Variants in NDUFS4 observed in about 807,000 individuals in gnomAD.
The protein encoded by NDUFS4 is NADH dehydrogenase [ubiquinone] iron-sulfur protein 4, mitochondrial.
A neutral mutation model predicts 24.3 loss-of-function variants in NDUFS4; 28 were observed. The observed-to-expected ratio is 1.15, with a 90% CI of 0.85 to 1.58. The LOEUF (loss-of-function observed/expected upper bound fraction) is 1.58. Among genes scored for constraint, NDUFS4 ranks in the 40% most tolerant of loss-of-function variants. The pLI, the probability that NDUFS4 is intolerant of heterozygous loss-of-function variation, is 0.00. For synonymous variants in NDUFS4, 93 were observed against 69.7 expected, an observed-to-expected ratio of 1.34 and a Z score of -1.67; for missense variants, 223 against 207.9, an observed-to-expected ratio of 1.07 and a Z score of -0.45.
intron 2 of NDUFS4, among the ~76,000 whole-genome samples, chr5:53,630,543 C>G (rs1230765815): frequency 6.6e-6 from 1 of 152,138 alleles, no homozygotes; most frequent in Non-Finnish European, 1.5e-5. Flanking sequence ...GGTCTTTTCA[C>G]ATAATCGTAT....
Position 53,646,242 on chromosome 5 carries a change from A to C in NDUFS4, c.187A>C (p.Thr63Pro), listed in dbSNP as rs140575484. 1.2e-6 allele frequency: 2 copies of C among 1,609,418 alleles called. No individual in the cohort carries two copies. Among genetic ancestry groups the C allele is most frequent in the African/African-American group, 2.7e-5 (2 of 74,742 alleles). ...ITVDEKLDIT[T>P]LTGVPEEHIK... ...TCTTGTTTTTCTGTAGGATATCACT[A>C]CTTTAACTGGAGTTCCAGAAGAGCA... The change falls in exon 3 of 5, where the codon ACT (threonine) becomes CCT (proline). Residue 63 changes from threonine (T) to proline (P), a missense_variant. Thr to Pro is a conservative substitution (Grantham distance 38). Transcript: ENST00000296684.
intron 2 of NDUFS4, among the ~76,000 whole-genome samples, chr5:53,642,591 C>T (rs758367896): frequency 6.6e-5 from 10 of 151,892 alleles, no homozygotes; most frequent in Non-Finnish European, 1.3e-4. Context: ...ATTGCTTGTT[C>T]CCTGCTTCCT....
chr5:53,564,956 G>C (rs1748971913), intron 1 of NDUFS4, among the ~76,000 whole-genome samples: 1 of 152,202 alleles, frequency 6.6e-6, no homozygotes, highest in Non-Finnish European at 1.5e-5. Context: ...TGTAAGTATT[G>C]TGATAGATTG....
chr5:53,599,307 A>G (rs968569739), intron 1 of NDUFS4, among the ~76,000 whole-genome samples: 1 of 152,156 alleles, frequency 6.6e-6, no homozygotes, highest in African/African-American at 2.4e-5. Context: ...TTGTTGGATC[A>G]TAGGATAATT....
intron 2 of NDUFS4, among the ~76,000 whole-genome samples, chr5:53,635,216 C>CATAAATAAATAAAT (rs1751515070): frequency 7.3e-6 from 1 of 136,954 alleles, no homozygotes; most frequent in Non-Finnish European, 1.6e-5. Context: ...AATAAATAAC[C>CATAAATAAATAAAT]AACCAACCAA....
intron 4 of NDUFS4, among the ~76,000 whole-genome samples, chr5:53,674,652 ATATC>A (rs1402968115): frequency 1.3e-5 from 2 of 152,214 alleles, no homozygotes; most frequent in African/African-American, 2.4e-5. Flanking sequence ...TATCTAATAA[ATATC>A]TATTAATTAC....
At chr5:53,631,478 G>A (rs1751408079) in intron 2 of NDUFS4, among the ~76,000 whole-genome samples, 2 of 152,150 alleles carry the variant, frequency 1.3e-5, no homozygotes, top group Non-Finnish European at 2.9e-5. Context: ...CTGAAGCTGT[G>A]CCCACAGCTG....
intron 1 of NDUFS4, among the ~76,000 whole-genome samples, chr5:53,592,770 C>G (rs1286246678): frequency 6.6e-6 from 1 of 152,178 alleles, no homozygotes; most frequent in Non-Finnish European, 1.5e-5. Context: ...ATTACTATAG[C>G]TGTGCAGTGT....
chr5:53,677,692 CT>C (rs1392593792), intron 4 of NDUFS4, among the ~76,000 whole-genome samples: 1 of 152,156 alleles, frequency 6.6e-6, no homozygotes, highest in Non-Finnish European at 1.5e-5. Context: ...ATCTTGAAAC[CT>C]TCCAAGTACC....
chr5:53,586,221 C>T (rs1749748958), intron 1 of NDUFS4, among the ~76,000 whole-genome samples: 1 of 149,182 alleles, frequency 6.7e-6, no homozygotes, highest in African/African-American at 2.5e-5. Context: ...CCTAGCTACT[C>T]AGGAGGCTGA....
chr5:53,659,276 T>G (rs529567084), intron 4 of NDUFS4, among the ~76,000 whole-genome samples: 1 of 152,330 alleles, frequency 6.6e-6, no homozygotes, highest in South Asian at 2.1e-4. Context: ...TCCTTTTTCC[T>G]TATTTTCTGC....
At chr5:53,582,924 C>T (rs1043574312) in intron 1 of NDUFS4, among the ~76,000 whole-genome samples, 5 of 152,060 alleles carry the variant, frequency 3.3e-5, no homozygotes, top group East Asian at 3.9e-4. Context: ...TTTTTTGAGT[C>T]GGAGTCTCGC....
intron 1 of NDUFS4, among the ~76,000 whole-genome samples, chr5:53,565,162 G>A (rs1748978517): frequency 6.6e-6 from 1 of 152,172 alleles, no homozygotes; most frequent in South Asian, 2.1e-4. Flanking sequence ...ACTCCAGGTG[G>A]GGTCTGCTGT....
Position 53,653,479 on chromosome 5 carries a change from T to C in NDUFS4, c.351-5072T>C, listed in dbSNP as rs143487962. ...TAATCAGGTGGTTCAGTTTTTTTAA[T>C]TGAATTTAAATAAGAATTCTGTCTA... On this transcript the variant is annotated intron_variant, in intron 3 of 4. Transcript: ENST00000296684. 7.1e-3 allele frequency among the ~76,000 whole-genome samples: 1,082 copies of C among 152,318 alleles called. 8 individuals are homozygous for C. The highest frequency in any genetic ancestry group is 0.024 in the Middle Eastern group (7 of 294).
At chr5:53,610,274 C>T (rs1019844868) in intron 2 of NDUFS4, among the ~76,000 whole-genome samples, 8 of 152,010 alleles carry the variant, frequency 5.3e-5, no homozygotes, top group South Asian at 4.2e-4. Flanking sequence ...GGGTGAGGTA[C>T]GAGGAAATGG....
intron 1 of NDUFS4, among the ~76,000 whole-genome samples, chr5:53,568,106 A>G (rs1031547257): frequency 3.3e-5 from 5 of 152,180 alleles, no homozygotes; most frequent in Non-Finnish European, 7.4e-5. Context: ...GTCTGTTACT[A>G]AGTATTTTGG....
At chr5:53,682,843 T>C (rs751873886) in intron 4 of NDUFS4, among the ~76,000 whole-genome samples, 3 of 152,090 alleles carry the variant, frequency 2.0e-5, no homozygotes, top group Non-Finnish European at 2.9e-5. Flanking sequence ...TACATAGATA[T>C]CAGTAATTGA....
chr5:53,657,672 A>C lies in NDUFS4; in HGVS notation c.351-879A>C, dbSNP rs184370571. Among the ~76,000 whole-genome samples the C allele has an allele frequency of 2.9e-3, 447 of 152,150 alleles. 1 individual carries two copies. Among genetic ancestry groups the C allele is most frequent in the Middle Eastern group, 0.01 (3 of 294 alleles). Reference sequence around the variant, plus strand: ...GGGCACAGTGGCTCAAACCTGTAATACCAGCACTTTGGGAGGCTGAGGCAG... The same window carrying C: ...GGGCACAGTGGCTCAAACCTGTAATCCCAGCACTTTGGGAGGCTGAGGCAG... On this transcript the variant is annotated intron_variant, in intron 3 of 4. Coordinates refer to ENST00000296684, the MANE Select transcript of NDUFS4 (RefSeq NM_002495.4).
intron 1 of NDUFS4, among the ~76,000 whole-genome samples, chr5:53,594,617 G>A (rs1178073306): frequency 1.3e-5 from 2 of 151,694 alleles, no homozygotes; most frequent in African/African-American, 2.4e-5. Flanking sequence ...CTTTTGCTTT[G>A]TAAGCATTTT....
Sources: gnomAD v4.1 joint callset for allele counts (sites outside exome capture counted in the v4.1 genomes callset) on GRCh38, gnomAD v4.1.1 for gene constraint, MANE v1.5 for transcripts, NCBI Gene and HGNC (gene_info 2026-07-23, HGNC 2026-07-21) for gene names.